Variants in FNIP1 observed in about 807,000 individuals in gnomAD.
The protein encoded by FNIP1 is folliculin interacting protein 1.
FNIP1 carries 40 observed loss-of-function variants against 124.5 expected under a neutral mutation model. The ratio of observed to expected loss-of-function variants is 0.32; its 90% CI spans 0.25 to 0.42. The LOEUF (loss-of-function observed/expected upper bound fraction) is 0.42, where lower values mean the gene tolerates loss of function less well. Among genes scored for constraint, FNIP1 ranks in the 10% least tolerant of loss-of-function variants. The pLI is 1.00. For missense variants in FNIP1, 1,176 were observed against 1,403.7 expected (o/e 0.84, Z 2.59); for synonymous variants, 472 against 470.6 (o/e 1.00, Z -0.04).
At chr5:131,758,187 G>A (rs1413809874) in intron 1 of FNIP1, among the ~76,000 whole-genome samples, 2 of 152,130 alleles carry the variant, frequency 1.3e-5, no homozygotes, top group Admixed American at 1.3e-4. Context: ...AGGCAAATAA[G>A]TTTAAATGGT....
At chr5:131,764,248 T>G (rs1771343455) in intron 1 of FNIP1, among the ~76,000 whole-genome samples, 1 of 152,068 alleles carries the variant, frequency 6.6e-6, no homozygotes, top group Non-Finnish European at 1.5e-5. Flanking sequence ...CCTCTTTTCT[T>G]TATAAATCAT....
chr5:131,762,902 G>A (rs1014167459), intron 1 of FNIP1, among the ~76,000 whole-genome samples: 17 of 152,258 alleles, frequency 1.1e-4, no homozygotes, highest in Admixed American at 2.6e-4. Flanking sequence ...TCATTATGGT[G>A]AAATAAGCCA....
intron 15 of FNIP1, among the ~76,000 whole-genome samples, chr5:131,653,176 A>C (rs556787968): frequency 5.3e-5 from 8 of 152,290 alleles, no homozygotes; most frequent in African/African-American, 1.9e-4. Context: ...GTATGAATAC[A>C]GCAGTTAAAA....
chr5:131,719,115 G>T, intron 4 of FNIP1, 55 bp from the exon 5 acceptor site: 2 of 1,503,564 alleles, frequency 1.3e-6, no homozygotes, highest in Non-Finnish European at 1.8e-6. Context: ...TGACCTTTTG[G>T]ATTTATTATA....
At chr5:131,702,178 T>A (rs1325370465) in intron 10 of FNIP1, among the ~76,000 whole-genome samples, 1 of 152,124 alleles carries the variant, frequency 6.6e-6, no homozygotes, top group Non-Finnish European at 1.5e-5. Context: ...TATGTGACAA[T>A]GATGTTTTTT....
intron 2 of FNIP1, among the ~76,000 whole-genome samples, chr5:131,736,666 A>C (rs754409127): frequency 1.0e-3 from 152 of 152,344 alleles, no homozygotes; most frequent in Admixed American, 2.7e-3. Context: ...GGAGAGATCT[A>C]TCTCTAAAGA....
At chr5:131,752,199 A>G (rs1173751306) in intron 1 of FNIP1, among the ~76,000 whole-genome samples, 2 of 152,114 alleles carry the variant, frequency 1.3e-5, no homozygotes, top group East Asian at 3.9e-4. Flanking sequence ...GCCAGCCACC[A>G]CGTCCGGCTA....
chr5:131,658,040 C>CAAAA (rs543062745), intron 15 of FNIP1, among the ~76,000 whole-genome samples: 3 of 57,314 alleles, frequency 5.2e-5, no homozygotes, highest in African/African-American at 1.1e-4. Context: ...GACTCCATCT[C>CAAAA]AAAAAAAAAA....
At chr5:131,673,832 T>G (rs1340528303) in intron 13 of FNIP1, among the ~76,000 whole-genome samples, 1 of 152,058 alleles carries the variant, frequency 6.6e-6, no homozygotes, top group Admixed American at 6.5e-5. Flanking sequence ...GACCAGGAGT[T>G]CAAGACCAGC....
chr5:131,729,875 AGCTGGGATTACAGGCATGT>A (rs1450852635), intron 3 of FNIP1, among the ~76,000 whole-genome samples: 2 of 152,206 alleles, frequency 1.3e-5, no homozygotes, highest in East Asian at 3.9e-4. Context: ...CCTCCTGAGT[AGCTGGGATTACAGGCATGT>A]GCCACCATGC....
chr5:131,709,056 A>G (rs767034112), intron 8 of FNIP1, 145 bp downstream of exon 8: 34 of 635,678 alleles, frequency 5.3e-5, no homozygotes, highest in Non-Finnish European at 8.1e-5. Context: ...TATTAAATTT[A>G]TAAGACTTTG....
At chr5:131,783,529 T>G (rs1772066633) in intron 1 of FNIP1, among the ~76,000 whole-genome samples, 1 of 150,554 alleles carries the variant, frequency 6.6e-6, no homozygotes, top group Non-Finnish European at 1.5e-5. Context: ...TAAAAAGAAG[T>G]GATGCAATCT....
At chr5:131,762,983 T>C (rs957675826) in intron 1 of FNIP1, among the ~76,000 whole-genome samples, 1 of 151,898 alleles carries the variant, frequency 6.6e-6, no homozygotes, top group Admixed American at 6.6e-5. Flanking sequence ...ACTGAACTAG[T>C]GGAGATAGAG....
chr5:131,758,374 G>C (rs1477724389), intron 1 of FNIP1, among the ~76,000 whole-genome samples: 1 of 152,084 alleles, frequency 6.6e-6, no homozygotes, highest in African/African-American at 2.4e-5. Context: ...TGTTTAGAAT[G>C]ATCTCTCATT....
At chr5:131,790,193 A>T (rs556395383) in intron 1 of FNIP1, among the ~76,000 whole-genome samples, 399 of 152,354 alleles carry the variant, frequency 2.6e-3, no homozygotes, top group African/African-American at 8.9e-3. Flanking sequence ...TTATTAAAAG[A>T]GCTATAATGG....
At chr5:131,733,690 T>C (rs184991833) in intron 2 of FNIP1, among the ~76,000 whole-genome samples, 1 of 152,356 alleles carries the variant, frequency 6.6e-6, no homozygotes, top group African/African-American at 2.4e-5. Context: ...CACTTGATCA[T>C]GGTGGATAAG....
At chr5:131,789,970 C>A (rs1772349505) in intron 1 of FNIP1, among the ~76,000 whole-genome samples, 1 of 152,240 alleles carries the variant, frequency 6.6e-6, no homozygotes, top group Non-Finnish European at 1.5e-5. Flanking sequence ...GAACTCCAGA[C>A]TGACTTTATT....
At chr5:131,655,822 G>A (rs968709930) in intron 15 of FNIP1, among the ~76,000 whole-genome samples, 5 of 151,860 alleles carry the variant, frequency 3.3e-5, no homozygotes, top group African/African-American at 7.3e-5. Context: ...AGAGGCTGAC[G>A]CAGGAGAATG....
At chr5:131,659,189 G>A (rs1767314931) in intron 15 of FNIP1, among the ~76,000 whole-genome samples, 1 of 152,164 alleles carries the variant, frequency 6.6e-6, no homozygotes, top group Non-Finnish European at 1.5e-5. Context: ...CACCCTGTTC[G>A]CAATGCCAGG....
Sources: allele counts gnomAD v4.1 joint callset (sites outside exome capture counted in the v4.1 genomes callset), GRCh38; gene constraint gnomAD v4.1.1; transcripts MANE v1.5; gene names NCBI Gene and HGNC (gene_info 2026-07-23, HGNC 2026-07-21).